GNPAT: variants seen among roughly 807,000 people sequenced by gnomAD.
GNPAT encodes dihydroxyacetone phosphate acyltransferase.
A neutral mutation model predicts 78.4 loss-of-function variants in GNPAT; 30 were observed. The observed-to-expected ratio is 0.38, with a 90% CI of 0.29 to 0.52. The LOEUF is 0.52. Ranked by LOEUF, GNPAT falls within the 20% of genes least tolerant of loss-of-function variation. The probability of loss-of-function intolerance (pLI) is 0.84; values close to 1 mark genes in which losing one functional copy is unlikely to be tolerated. For missense variants in GNPAT, 714 were observed against 812.2 expected (o/e 0.88, Z 1.47); for synonymous variants, 271 against 281.1 (o/e 0.96, Z 0.36).
rs750234650 is a variant in GNPAT, at chr1:231,262,720, A to G, written c.439-3A>G. ...TATTCAAAATGTAACATTTACTTTC[A>G]AGCTACAAAGAGCCATCCAGGAGCA... On this transcript the variant is annotated splice_polypyrimidine_tract_variant and splice_region_variant and intron_variant, in intron 3 of 15. Transcript: ENST00000366647. The G allele has an allele frequency of 6.2e-7, 1 of 1,607,016 alleles. No homozygotes were observed. The highest frequency in any genetic ancestry group is 8.5e-7 in the Non-Finnish European group (1 of 1,173,684).
intron 2 of GNPAT, among the ~76,000 whole-genome samples, chr1:231,258,976 C>CA (rs1279517136): frequency 6.6e-6 from 1 of 151,756 alleles, no homozygotes; most frequent in Non-Finnish European, 1.5e-5. Flanking sequence ...TTAATAAAAA[C>CA]AAAAAAACAG....
intron 12 of GNPAT, chr1:231,274,759 C>T (rs886658604): frequency 4.7e-6 from 1 of 210,822 alleles, no homozygotes; most frequent in Admixed American, 5.3e-5. Context: ...ATTCAGCCTC[C>T]TTGCACAAAG....
chr1:231,265,814 A>G, intron 6 of GNPAT, 27 bp downstream of exon 6: 1 of 1,385,200 alleles, frequency 7.2e-7, no homozygotes, highest in Non-Finnish European at 1.0e-6. Context: ...TAAAAGGAAA[A>G]ATACAAACCC....
chr1:231,265,458 T>C lies in GNPAT; in HGVS notation c.696+38T>C, dbSNP rs6702011. 395,201 of 1,521,468 alleles carry C rather than the reference T, an allele frequency of 0.26. 52,147 individuals are homozygous for C. Among genetic ancestry groups the C allele is most frequent in the Admixed American group, 0.37 (22,125 of 59,860 alleles). The allele number at this position is 1,521,468 out of a possible 1,614,324, so 94.2% of individuals were successfully genotyped here. On this transcript the variant is annotated intron_variant, in intron 5 of 15. Coordinates refer to ENST00000366647, the MANE Select transcript of GNPAT (RefSeq NM_014236.4). Reference sequence around the variant, plus strand: ...AATTCCCAACTACTCTTAAGCCATATTTTCTTCACTGATGTTTGCTCATTT... The same window carrying C: ...AATTCCCAACTACTCTTAAGCCATACTTTCTTCACTGATGTTTGCTCATTT...
chr1:231,256,821 A>G (rs903869418), intron 2 of GNPAT, among the ~76,000 whole-genome samples: 3 of 152,116 alleles, frequency 2.0e-5, no homozygotes, highest in Admixed American at 2.0e-4. Context: ...CTGTCTATGT[A>G]TCTCCACCTC....
At chr1:231,259,746 A>G (rs957291562) in intron 2 of GNPAT, among the ~76,000 whole-genome samples, 5 of 152,164 alleles carry the variant, frequency 3.3e-5, no homozygotes, top group Non-Finnish European at 7.4e-5. Context: ...TGGGGTGCCA[A>G]CACCTGTCCT....
chr1:231,264,474 C>A (rs1267092902), intron 4 of GNPAT, among the ~76,000 whole-genome samples: 1 of 152,090 alleles, frequency 6.6e-6, no homozygotes, highest in African/African-American at 2.4e-5. Context: ...TTATCCACTC[C>A]CTTTTAGGGT....
chr1:231,270,645 T>G (rs1685536646), intron 9 of GNPAT, 113 bp from the exon 10 acceptor site: 4 of 1,027,220 alleles, frequency 3.9e-6, no homozygotes, highest in Non-Finnish European at 6.2e-6. Context: ...CAGTAAAACC[T>G]GTCACTTGAA....
At chr1:231,269,934 T>C (rs1209790990) in intron 9 of GNPAT, 1 of 152,178 alleles carries the variant, frequency 6.6e-6, no homozygotes, top group Non-Finnish European at 1.5e-5. Context: ...TATTATTCAA[T>C]TGAGCAAGCT....
At chr1:231,260,459 TTC>T in intron 2 of GNPAT, 46 bp from the exon 3 acceptor site, 1 of 1,332,124 alleles carries the variant, frequency 7.5e-7, no homozygotes, top group Non-Finnish European at 1.1e-6. Context: ...TTTCTGACTT[TTC>T]TGTTATTGTT....
chr1:231,242,833 T>C (rs1684649911), intron 1 of GNPAT, among the ~76,000 whole-genome samples: 1 of 152,248 alleles, frequency 6.6e-6, no homozygotes, highest in Non-Finnish European at 1.5e-5. Flanking sequence ...TGAAAAACTA[T>C]GGCAGTTGTA....
chr1:231,249,007 A>G (rs61828902), intron 1 of GNPAT, among the ~76,000 whole-genome samples: 8,334 of 152,342 alleles, frequency 0.055, 293 homozygotes, highest in East Asian at 0.11. Flanking sequence ...GTTGTTAAAC[A>G]GTGCATGACT....
intron 10 of GNPAT, among the ~76,000 whole-genome samples, chr1:231,272,023 C>T (rs868551584): frequency 3.9e-5 from 6 of 152,050 alleles, no homozygotes; most frequent in Non-Finnish European, 2.9e-5. Flanking sequence ...TCGCTTGACC[C>T]CAGGAGGCGG....
At chr1:231,274,156 T>C (rs1685646047) in intron 12 of GNPAT, 94 bp downstream of exon 12, 1 of 1,101,798 alleles carries the variant, frequency 9.1e-7, no homozygotes, top group East Asian at 2.4e-5. Context: ...GAAGGGCAGG[T>C]ATCTTCCCCA....
rs1685754215 is a variant in GNPAT, at chr1:231,277,605, A to G, written c.*63A>G. 1.1e-6 allele frequency: 1 copy of G among 935,078 alleles called. No homozygotes were observed. Among genetic ancestry groups the G allele is most frequent in the East Asian group, 2.4e-5 (1 of 41,830 alleles). The allele number at this position is 935,078 out of a possible 1,614,324, so 57.9% of individuals were successfully genotyped here. A position where few individuals can be genotyped will look rare whatever the true frequency, so the allele number is the denominator to read the frequency against. On this transcript the variant is annotated 3_prime_UTR_variant, in exon 16 of 16. Coordinates refer to ENST00000366647, the MANE Select transcript of GNPAT (RefSeq NM_014236.4). ...TTACTCTCATCGAAGGACTCATTAC[A>G]ACAAACAGGGAAGTAAAGGAAGAGA...
chr1:231,276,171 C>T lies in GNPAT; in HGVS notation c.1974C>T (p.Ala658=), dbSNP rs951703366. Residue 658 remains alanine, a synonymous_variant, in exon 15 of 16, where the codon GCC becomes GCT. Transcript: ENST00000366647. ...GTATATTTAATGTGAATGAACCTGCCACAACCAAATTAGAAGAAATGCTTG... is the reference window on the plus strand; with the variant it reads ...GTATATTTAATGTGAATGAACCTGCTACAACCAAATTAGAAGAAATGCTTG... The part of the protein sequence containing the change: ...NNCIFNVNEP[A]TTKLEEMLGC... 7.0e-7 allele frequency: 1 copy of T among 1,428,512 alleles called. No individual in the cohort carries two copies. The highest frequency in any genetic ancestry group is 9.9e-7 in the Non-Finnish European group (1 of 1,012,304). The allele number at this position is 1,428,512 out of a possible 1,614,324, so 88.5% of individuals were successfully genotyped here. A position where few individuals can be genotyped will look rare whatever the true frequency, so the allele number is the denominator to read the frequency against.
At chr1:231,243,380 G>A (rs1684667167) in intron 1 of GNPAT, among the ~76,000 whole-genome samples, 1 of 152,214 alleles carries the variant, frequency 6.6e-6, no homozygotes, top group African/African-American at 2.4e-5. Context: ...CTGGAGAACA[G>A]TGGCTCGATC....
At chr1:231,270,594 A>G (rs1685535248) in intron 9 of GNPAT, among the ~76,000 whole-genome samples, 164 bp from the exon 10 acceptor site, 1 of 152,166 alleles carries the variant, frequency 6.6e-6, no homozygotes, top group African/African-American at 2.4e-5. Flanking sequence ...AGTACTTTTA[A>G]ATTTTTCTTC....
chr1:231,255,409 T>C (rs1490802796), intron 2 of GNPAT, among the ~76,000 whole-genome samples: 1 of 152,020 alleles, frequency 6.6e-6, no homozygotes, highest in Non-Finnish European at 1.5e-5. Context: ...ACCTCTCTCC[T>C]CCTCTTTTAA....
Sources: gnomAD v4.1 joint callset for allele counts (sites outside exome capture counted in the v4.1 genomes callset) on GRCh38, gnomAD v4.1.1 for gene constraint, MANE v1.5 for transcripts, NCBI Gene and HGNC (gene_info 2026-07-23, HGNC 2026-07-21) for gene names.